Variants in ADAM18 observed in about 807,000 individuals in gnomAD.
The protein encoded by ADAM18 is disintegrin and metalloproteinase domain-containing protein 18.
ADAM18 carries 117 observed loss-of-function variants against 94.4 expected under a neutral mutation model. The observed-to-expected ratio is 1.24, with a 90% CI of 1.07 to 1.45. The LOEUF is 1.45. Ranked by LOEUF, ADAM18 falls within the 40% of genes most tolerant of loss-of-function variation. The pLI is 0.00. For synonymous variants in ADAM18, 327 were observed against 291.6 expected, an observed-to-expected ratio of 1.12 and a Z score of -1.24; for missense variants, 936 against 880.0, an observed-to-expected ratio of 1.06 and a Z score of -0.81.
chr8:39,654,219 G>A (rs760088545), intron 12 of ADAM18, among the ~76,000 whole-genome samples: 5 of 142,112 alleles, frequency 3.5e-5, no homozygotes, highest in East Asian at 2.0e-4. Context: ...GTGCAGTGGC[G>A]CGATCTCAGC....
intron 15 of ADAM18, among the ~76,000 whole-genome samples, chr8:39,678,531 C>A (rs895167688): frequency 2.0e-5 from 3 of 151,964 alleles, no homozygotes; most frequent in African/African-American, 7.3e-5. Context: ...GGAGGAGACC[C>A]GGCATAATCA....
chr8:39,707,081 G>A (rs959593663), intron 18 of ADAM18, among the ~76,000 whole-genome samples, 177 bp downstream of exon 18: 1 of 152,180 alleles, frequency 6.6e-6, no homozygotes, highest in Admixed American at 6.5e-5. Context: ...ATAGCACCAA[G>A]CTCTAAATGT....
At chr8:39,617,461 A>G (rs1046994769) in intron 6 of ADAM18, among the ~76,000 whole-genome samples, 4 of 152,206 alleles carry the variant, frequency 2.6e-5, no homozygotes, top group African/African-American at 9.6e-5. Context: ...TGGAACTATC[A>G]TTCGACCCAG....
intron 12 of ADAM18, among the ~76,000 whole-genome samples, chr8:39,659,701 G>GTAATTAACAAAA (rs942021572): frequency 3.3e-5 from 5 of 151,840 alleles, no homozygotes; most frequent in African/African-American, 9.7e-5. Flanking sequence ...TAAATTATCA[G>GTAATTAACAAAA]TAATTAACAA....
At chr8:39,606,230 T>C in intron 2 of ADAM18, 77 bp from the exon 3 acceptor site, 1 of 777,026 alleles carries the variant, frequency 1.3e-6, no homozygotes, top group Non-Finnish European at 2.1e-6. Flanking sequence ...ACTCTTTTTA[T>C]TAACTTGGAT....
At chr8:39,608,133 C>T (rs929108233) in intron 3 of ADAM18, among the ~76,000 whole-genome samples, 7 of 151,992 alleles carry the variant, frequency 4.6e-5, no homozygotes, top group South Asian at 2.1e-4. Flanking sequence ...ATCTTTCTGT[C>T]GTTTTCCCCT....
chr8:39,700,758 A>G (rs1218226574), intron 17 of ADAM18, among the ~76,000 whole-genome samples: 3 of 152,072 alleles, frequency 2.0e-5, no homozygotes, highest in Admixed American at 1.3e-4. Flanking sequence ...CTCAAAACTA[A>G]TAATGAATTT....
chr8:39,614,184 C>T (rs1015751693), intron 6 of ADAM18, among the ~76,000 whole-genome samples: 2 of 152,088 alleles, frequency 1.3e-5, no homozygotes, highest in African/African-American at 4.8e-5. Flanking sequence ...ATCAGATTCT[C>T]CAAACTCAAT....
At chr8:39,591,954 G>A (rs1008789261) in intron 2 of ADAM18, among the ~76,000 whole-genome samples, 12 of 152,176 alleles carry the variant, frequency 7.9e-5, no homozygotes, top group African/African-American at 1.2e-4. Flanking sequence ...GCACATCTCC[G>A]TTAGAGCTCC....
chr8:39,676,609 G>A (rs148786305), intron 14 of ADAM18, among the ~76,000 whole-genome samples: 1 of 151,374 alleles, frequency 6.6e-6, no homozygotes, highest in Admixed American at 6.6e-5. Flanking sequence ...TTGGGCAGGG[G>A]CAACGCCCCG....
chr8:39,688,442 T>C (rs994388183), intron 16 of ADAM18, among the ~76,000 whole-genome samples: 45 of 152,190 alleles, frequency 3.0e-4, no homozygotes, highest in African/African-American at 1.1e-3. Context: ...TGTCCATGTG[T>C]TCTCATTATT....
Position 39,584,677 on chromosome 8 carries a change from G to A in ADAM18, c.55G>A (p.Gly19Ser). 2 of 1,613,074 alleles carry A rather than the reference G, an allele frequency of 1.2e-6. No individual in the cohort carries two copies. The highest frequency in any genetic ancestry group is 1.7e-6 in the Non-Finnish European group (2 of 1,180,014). Residue 19 changes from glycine to serine, a missense_variant and splice_region_variant, in exon 1 of 20, where the codon GGT (glycine) becomes AGT (serine). By Grantham distance (56) the Gly-to-Ser change is moderately conservative (BLOSUM62 0). Transcript: ENST00000265707. ...GCTTGGAAGACTGCAAGCCCACGAAGGTAAGTCCATGGGAGCCTCCCCTTT... is the reference window on the plus strand; with the variant it reads ...GCTTGGAAGACTGCAAGCCCACGAAAGTAAGTCCATGGGAGCCTCCCCTTT... Reference protein sequence around the residue: ...TELGRLQAHEGSEGIFLHVTV... With the variant: ...TELGRLQAHESSEGIFLHVTV...
intron 11 of ADAM18, among the ~76,000 whole-genome samples, chr8:39,646,755 G>A (rs773107464): frequency 1.1e-4 from 16 of 152,132 alleles, no homozygotes; most frequent in Admixed American, 9.8e-4. Flanking sequence ...ATGTGAACAT[G>A]TAAATAAAGA....
At chr8:39,637,495 T>C in intron 8 of ADAM18, 42 bp from the exon 9 acceptor site, 4 of 1,505,814 alleles carry the variant, frequency 2.7e-6, no homozygotes, top group Non-Finnish European at 3.6e-6. Flanking sequence ...TTAAATGTAA[T>C]AACTTGTTTC....
rs1206796468 is a variant in ADAM18, at chr8:39,663,442, G to GA, written c.1231-345dup. ...AGTCTTTACAAAAAAAAAAAAAAAAGAAAAAAAATATCTGGGCATGATTGC... is the reference window on the plus strand; with the variant it reads ...AGTCTTTACAAAAAAAAAAAAAAAAGAAAAAAAAATATCTGGGCATGATTGC... On this transcript the variant is annotated intron_variant, in intron 12 of 19. Transcript: ENST00000265707. Among the ~76,000 whole-genome samples, 47 of 117,306 alleles carry GA rather than the reference G, an allele frequency of 4.0e-4. 1 individual carries two copies. The South Asian group carries it at 7.9e-3, about 20-fold the overall frequency. 77.0% of individuals were successfully genotyped at this position (117,306 alleles called of 152,430 possible).
At chr8:39,650,879 C>A (rs946867502) in intron 12 of ADAM18, among the ~76,000 whole-genome samples, 1 of 152,094 alleles carries the variant, frequency 6.6e-6, no homozygotes, top group Admixed American at 6.6e-5. Context: ...GACACAGAGA[C>A]AAAGTATAGA....
chr8:39,585,192 C>T, intron 1 of ADAM18, 84 bp from the exon 2 acceptor site: 1 of 1,029,340 alleles, frequency 9.7e-7, no homozygotes, highest in Non-Finnish European at 1.5e-6. Flanking sequence ...CGCCACCATG[C>T]AGTCCGGGAT....
intron 18 of ADAM18, among the ~76,000 whole-genome samples, chr8:39,722,585 A>G (rs1822790712): frequency 1.3e-5 from 2 of 151,390 alleles, no homozygotes; most frequent in South Asian, 4.1e-4. Context: ...AATGTACACT[A>G]TTCCGATGAT....
intron 10 of ADAM18, among the ~76,000 whole-genome samples, chr8:39,639,393 G>A (rs908897979): frequency 2.0e-5 from 3 of 151,836 alleles, no homozygotes; most frequent in Non-Finnish European, 4.4e-5. Context: ...TCAATATTAT[G>A]TCTATAGCAA....
Sources: gnomAD v4.1 joint callset for allele counts (sites outside exome capture counted in the v4.1 genomes callset) on GRCh38, gnomAD v4.1.1 for gene constraint, MANE v1.5 for transcripts, NCBI Gene and HGNC (gene_info 2026-07-23, HGNC 2026-07-21) for gene names.